Variants in ARHGEF28 observed in about 807,000 individuals in gnomAD.
ARHGEF28 encodes the protein Rho guanine nucleotide exchange factor 28, also known as 190 kDa guanine nucleotide exchange factor.
Under a neutral mutation model 206.6 loss-of-function variants are expected in ARHGEF28, and 152 were observed. That is an observed-to-expected ratio of 0.74 (90% CI 0.64 to 0.84). The LOEUF (loss-of-function observed/expected upper bound fraction) is 0.84. Among genes scored for constraint, ARHGEF28 ranks in the 40% least tolerant of loss-of-function variants. ARHGEF28 has a pLI of 0.00. For synonymous variants in ARHGEF28, 763 were observed against 776.4 expected (o/e 0.98, Z 0.29); for missense variants, 2,028 against 2,073.2 (o/e 0.98, Z 0.42).
chr5:73,722,208 A>AAGGG (rs1223013155), intron 2 of ARHGEF28, among the ~76,000 whole-genome samples: 1 of 135,346 alleles, frequency 7.4e-6, no homozygotes, highest in African/African-American at 3.1e-5. Context: ...TTTCCGAAGG[A>AAGGG]AGGGAGGGAA....
chr5:73,634,367 C>T (rs1350009728), intron 1 of ARHGEF28, among the ~76,000 whole-genome samples: 1 of 152,208 alleles, frequency 6.6e-6, no homozygotes, highest in Non-Finnish European at 1.5e-5. Flanking sequence ...CTTTGTCTAA[C>T]AGTCTGGTAA....
At chr5:73,767,795 T>C (rs1752983436) in intron 4 of ARHGEF28, among the ~76,000 whole-genome samples, 1 of 152,156 alleles carries the variant, frequency 6.6e-6, no homozygotes. Context: ...TGAATATTAA[T>C]CCCCAAGACA....
chr5:73,939,054 A>G (rs1046031906), intron 35 of ARHGEF28, among the ~76,000 whole-genome samples: 4 of 152,030 alleles, frequency 2.6e-5, no homozygotes, highest in African/African-American at 9.7e-5. Flanking sequence ...AAGATGGCCA[A>G]GCCATTTTCA....
At chr5:73,791,980 G>T (rs992998719) in intron 7 of ARHGEF28, among the ~76,000 whole-genome samples, 10 of 152,126 alleles carry the variant, frequency 6.6e-5, no homozygotes, top group African/African-American at 2.4e-4. Context: ...GTGGGTTAGT[G>T]TAAAAGGATC....
intron 2 of ARHGEF28, among the ~76,000 whole-genome samples, chr5:73,691,088 C>T (rs1364988959): frequency 6.6e-6 from 1 of 152,018 alleles, no homozygotes; most frequent in Admixed American, 6.6e-5. Context: ...AGCCACCACA[C>T]CTGGCTAATT....
intron 1 of ARHGEF28, among the ~76,000 whole-genome samples, chr5:73,663,944 C>T (rs1745780391): frequency 1.3e-5 from 2 of 152,216 alleles, no homozygotes; most frequent in African/African-American, 4.8e-5. Context: ...ATCACAATAG[C>T]AATTTTTTGA....
intron 1 of ARHGEF28, among the ~76,000 whole-genome samples, chr5:73,654,292 C>T (rs1745030701): frequency 6.6e-6 from 1 of 152,170 alleles, no homozygotes; most frequent in Non-Finnish European, 1.5e-5. Context: ...AACCAGAACC[C>T]CATAAATGTC....
chr5:73,872,896 T>G, intron 21 of ARHGEF28, 103 bp from the exon 22 acceptor site: 1 of 1,314,790 alleles, frequency 7.6e-7, no homozygotes, highest in Non-Finnish European at 1.0e-6. Context: ...AAACATTTCT[T>G]TTTTATTTGC....
intron 11 of ARHGEF28, 131 bp from the exon 12 acceptor site, chr5:73,846,137 T>C (rs1191329691): frequency 6.4e-6 from 5 of 778,056 alleles, no homozygotes; most frequent in Non-Finnish European, 8.2e-6. Context: ...TAAATACTAG[T>C]TGGAAATTAA....
intron 2 of ARHGEF28, among the ~76,000 whole-genome samples, chr5:73,713,387 C>T (rs899392039): frequency 6.6e-6 from 1 of 152,092 alleles, no homozygotes; most frequent in African/African-American, 2.4e-5. Context: ...ATTGAGAATT[C>T]AGGGCTAAGT....
At chr5:73,786,339 A>G (rs7735510) in intron 7 of ARHGEF28, 23,203 of 152,222 alleles carry the variant, frequency 0.15, 4,293 homozygotes, top group African/African-American at 0.45. Flanking sequence ...CACTGGCCCA[A>G]GCCGTCAGAA....
intron 9 of ARHGEF28, among the ~76,000 whole-genome samples, chr5:73,814,657 G>T (rs1756072441): frequency 1.3e-5 from 2 of 152,122 alleles, no homozygotes. Flanking sequence ...TGCCTCTGCA[G>T]TGCTGTCCTT....
At position 73,892,066 on chromosome 5, in the gene ARHGEF28, A is replaced by G; in HGVS notation, c.3402A>G (p.Ser1134=). 1.2e-6 allele frequency: 2 copies of G among 1,601,836 alleles called. No individual in the cohort carries two copies. Among genetic ancestry groups the G allele is most frequent in the Non-Finnish European group, 1.7e-6 (2 of 1,173,538 alleles). ...ATTTTATGTAGGATCAGAAGCCATCAGTTATTTCCCTTCAAAAGCTTATTG... is the reference window on the plus strand; with the variant it reads ...ATTTTATGTAGGATCAGAAGCCATCGGTTATTTCCCTTCAAAAGCTTATTG... ...YIFAAVDQKP[S]VISLQKLIAR... is the part of the protein sequence containing the mutation. The change falls in exon 27 of 36, where the codon TCA becomes TCG. Residue 1134 remains serine, a synonymous_variant. Transcript: ENST00000513042.
chr5:73,927,894 A>G (rs2112006954), intron 35 of ARHGEF28, among the ~76,000 whole-genome samples: 1 of 152,350 alleles, frequency 6.6e-6, no homozygotes, highest in African/African-American at 2.4e-5. Flanking sequence ...TACTTTTAAG[A>G]TTATAATCAT....
At chr5:73,666,009 G>T (rs572609436) in intron 1 of ARHGEF28, among the ~76,000 whole-genome samples, 1 of 152,128 alleles carries the variant, frequency 6.6e-6, no homozygotes, top group South Asian at 2.1e-4. Flanking sequence ...AAGATTCAAG[G>T]CATGATTCAC....
Position 73,858,052 on chromosome 5 carries a change from T to C in ARHGEF28, c.1915-35T>C, listed in dbSNP as rs1249149863. The stretch of plus-strand genomic sequence containing the variant: ...CACAGCGTTTTCCTTTTCTCATTTT[T>C]CCCCACTTTCCTACTGCTGCTGCTG... On this transcript the variant is annotated intron_variant, in intron 15 of 35. Coordinates refer to ENST00000513042, the MANE Select transcript of ARHGEF28 (RefSeq NM_001177693.2). 8 of 1,566,582 alleles carry C rather than the reference T, an allele frequency of 5.1e-6. No individual in the cohort carries two copies. In the African/African-American group the frequency reaches 5.5e-5, roughly 11 times the overall value.
intron 13 of ARHGEF28, among the ~76,000 whole-genome samples, chr5:73,849,457 A>G (rs1353307116): frequency 2.6e-5 from 4 of 152,080 alleles, no homozygotes; most frequent in African/African-American, 4.8e-5. Context: ...ATACATTGCT[A>G]ACATAATCCA....
At chr5:73,907,485 G>A (rs140825451) in intron 33 of ARHGEF28, among the ~76,000 whole-genome samples, 485 of 152,274 alleles carry the variant, frequency 3.2e-3, no homozygotes, top group Admixed American at 5.0e-3. Flanking sequence ...TGGCACAGTC[G>A]TCTTTTTTGA....
chr5:73,886,867 C>G (rs1761334156), intron 25 of ARHGEF28, among the ~76,000 whole-genome samples: 1 of 152,186 alleles, frequency 6.6e-6, no homozygotes, highest in Non-Finnish European at 1.5e-5. Context: ...GGGCTAAGAA[C>G]CACTGTTTCT....
Sources: gnomAD v4.1 joint callset for allele counts (sites outside exome capture counted in the v4.1 genomes callset) on GRCh38, gnomAD v4.1.1 for gene constraint, MANE v1.5 for transcripts, NCBI Gene and HGNC (gene_info 2026-07-23, HGNC 2026-07-21) for gene names.